CAMTA1: variants seen among roughly 807,000 people sequenced by gnomAD.
CAMTA1 encodes the protein calmodulin binding transcription activator 1, also known as calmodulin-binding transcription activator 1.
A neutral mutation model predicts 170.9 loss-of-function variants in CAMTA1; 27 were observed. The observed-to-expected ratio is 0.16, with a 90% CI of 0.12 to 0.22. CAMTA1 has a LOEUF of 0.22. Ranked by LOEUF, CAMTA1 falls within the 10% of genes least tolerant of loss-of-function variation. CAMTA1 has a pLI of 1.00. For missense variants in CAMTA1, 1,619 were observed against 2,217.2 expected (o/e 0.73, Z 5.42); for synonymous variants, 833 against 891.5 (o/e 0.93, Z 1.17).
intron 4 of CAMTA1, among the ~76,000 whole-genome samples, chr1:7,202,243 C>T (rs1375591676): frequency 1.3e-5 from 2 of 152,200 alleles, no homozygotes; most frequent in Non-Finnish European, 2.9e-5. Context: ...TTCTATTGAT[C>T]TGTACGTCTC....
chr1:7,318,085 G>A (rs992146901), intron 5 of CAMTA1, among the ~76,000 whole-genome samples: 3 of 152,226 alleles, frequency 2.0e-5, no homozygotes, highest in Non-Finnish European at 2.9e-5. Context: ...TGACGGCAAG[G>A]CTGACGTCAG....
chr1:6,837,149 G>A lies in CAMTA1; in HGVS notation c.234+11939G>A, dbSNP rs1284396593. Among the ~76,000 whole-genome samples, 3 of 152,040 alleles carry A rather than the reference G, an allele frequency of 2.0e-5. No homozygotes were observed. In the East Asian group the frequency reaches 5.8e-4, roughly 29 times the overall value. ...TTTTGTATTTTTTTAGTAGAGATGG[G>A]GTTTCACTGTGTTAGCCAGGATGGG... On this transcript the variant is annotated intron_variant, in intron 3 of 22. Transcript: ENST00000303635.
Position 7,463,038 on chromosome 1 carries a change from T to C in CAMTA1, c.439-4792T>C, listed in dbSNP as rs1365087968. Among the ~76,000 whole-genome samples, 1 of 152,178 alleles carries C rather than the reference T, an allele frequency of 6.6e-6. No individual in the cohort carries two copies. The highest frequency in any genetic ancestry group is 1.9e-4 in the East Asian group (1 of 5,190). On this transcript the variant is annotated intron_variant, in intron 5 of 22. Coordinates refer to ENST00000303635, the MANE Select transcript of CAMTA1 (RefSeq NM_015215.4). This position sits in a 1 kb window ranked among gnomAD's most constrained non-coding sequence, Gnocchi z 4.7. ...CTTCGGAGGCAGCACAGGGAGGTTG[T>C]CCTGGTGAATGGCACTGTGTGCGGC...
intron 3 of CAMTA1, among the ~76,000 whole-genome samples, chr1:6,893,908 C>A (rs895662620): frequency 6.6e-6 from 1 of 152,188 alleles, no homozygotes; most frequent in Non-Finnish European, 1.5e-5. Context: ...CCCAGGCATC[C>A]AAATATTTAC....
At chr1:7,619,714 A>T (rs1457088507) in intron 6 of CAMTA1, among the ~76,000 whole-genome samples, 3 of 150,752 alleles carry the variant, frequency 2.0e-5, no homozygotes, top group Admixed American at 6.6e-5. Flanking sequence ...CAGTGGCATG[A>T]TCTCAGCTCA....
At chr1:7,276,791 C>T (rs1327866704) in intron 5 of CAMTA1, among the ~76,000 whole-genome samples, 2 of 152,070 alleles carry the variant, frequency 1.3e-5, no homozygotes, top group Admixed American at 6.6e-5. Context: ...TTTTTATTTG[C>T]AGACAACATG....
At chr1:6,895,412 A>G (rs1318208670) in intron 3 of CAMTA1, among the ~76,000 whole-genome samples, 1 of 152,148 alleles carries the variant, frequency 6.6e-6, no homozygotes, top group African/African-American at 2.4e-5. Context: ...CTTTGCCTGG[A>G]GATCTGTCAC....
intron 5 of CAMTA1, among the ~76,000 whole-genome samples, chr1:7,465,002 A>C (rs1299092043): frequency 6.6e-6 from 1 of 152,160 alleles, no homozygotes; most frequent in Non-Finnish European, 1.5e-5. Context: ...GCGACTCCAC[A>C]CAAGTCTGCT....
chr1:7,124,396 C>G (rs539315711), intron 4 of CAMTA1, among the ~76,000 whole-genome samples: 63 of 152,304 alleles, frequency 4.1e-4, no homozygotes, highest in Admixed American at 1.6e-3. Context: ...GCCTTCGAGG[C>G]CTGGATCAAA....
intron 5 of CAMTA1, among the ~76,000 whole-genome samples, chr1:7,276,303 A>ATATATATATATATATTTTTTTTTTTTTT: frequency 1.2e-4 from 3 of 24,230 alleles, no homozygotes; most frequent in African/African-American, 5.9e-4. Flanking sequence ...ATATATATAT[A>ATATATATATATATATTTTTTTTTTTTTT]TTTTTTTTTT....
In CAMTA1 at chr1:7,511,316, C is replaced by T. The variant is rs150735565; in HGVS notation, c.510+43415C>T. Among the ~76,000 whole-genome samples, 24 of 145,600 alleles carry T rather than the reference C, an allele frequency of 1.6e-4. 3 individuals are homozygous for T. The East Asian group carries it at 3.7e-3, about 23-fold the overall frequency. On this transcript the variant is annotated intron_variant, in intron 6 of 22. Transcript: ENST00000303635. ...GTAGCTCCGTGACCTTGAGTGTCCACTTTCTTTCCTGTAATGTGGGGATCA... is the reference window on the plus strand; with the variant it reads ...GTAGCTCCGTGACCTTGAGTGTCCATTTTCTTTCCTGTAATGTGGGGATCA...
At chr1:6,977,819 G>C (rs942959106) in intron 3 of CAMTA1, among the ~76,000 whole-genome samples, 1 of 152,188 alleles carries the variant, frequency 6.6e-6, no homozygotes, top group African/African-American at 2.4e-5. Flanking sequence ...TTTCCTTTGA[G>C]TGTAAACAAG....
chr1:7,457,340 T>G (rs1346915446), intron 5 of CAMTA1, among the ~76,000 whole-genome samples: 4 of 152,102 alleles, frequency 2.6e-5, no homozygotes, highest in African/African-American at 9.7e-5. Context: ...TCCTCACTCA[T>G]GTCGTCGTTA....
rs767652227 is a variant in CAMTA1 at position 7,737,321 on chromosome 1, A to T, written c.3409A>T (p.Ile1137Phe). The T allele has an allele frequency of 1.2e-6, 2 of 1,614,184 alleles. No homozygotes were observed. Among genetic ancestry groups the T allele is most frequent in the South Asian group, 1.1e-5 (1 of 91,088 alleles). ...GCTGTACAAGTGGGACCGTCGGGCC[A>T]TCTCGATTCCCGACTCTCTAGGAAG... The part of the protein sequence containing the change: ...VVLYKWDRRA[I>F]SIPDSLGRLP... Residue 1137 changes from isoleucine to phenylalanine, a missense_variant, in exon 15 of 23, where the codon ATC becomes TTC. Physicochemically the swap from Ile to Phe is conservative, Grantham distance 21 (BLOSUM62 0). Transcript: ENST00000303635.
chr1:7,348,196 C>T (rs1024321731), intron 5 of CAMTA1, among the ~76,000 whole-genome samples: 146 of 152,312 alleles, frequency 9.6e-4, no homozygotes, highest in African/African-American at 3.5e-3. Flanking sequence ...CCTTTCTCTT[C>T]GTCTTGTGGC....
At chr1:7,226,444 A>G (rs1284566049) in intron 4 of CAMTA1, among the ~76,000 whole-genome samples, 1 of 152,104 alleles carries the variant, frequency 6.6e-6, no homozygotes, top group Admixed American at 6.5e-5. Context: ...CTTTAATTTC[A>G]TTTAAATTAA....
At chr1:6,857,280 G>C (rs1194469506) in intron 3 of CAMTA1, among the ~76,000 whole-genome samples, 1 of 152,212 alleles carries the variant, frequency 6.6e-6, no homozygotes, top group African/African-American at 2.4e-5. Flanking sequence ...GTGATGGATT[G>C]AGTGTGGGCT....
At chr1:7,356,340 C>CCACAATTGCA (rs2085110561) in intron 5 of CAMTA1, among the ~76,000 whole-genome samples, 1 of 152,234 alleles carries the variant, frequency 6.6e-6, no homozygotes, top group Non-Finnish European at 1.5e-5. Context: ...CTGAATTGCA[C>CCACAATTGCA]CACACCTGTC....
intron 4 of CAMTA1, among the ~76,000 whole-genome samples, chr1:7,177,462 A>C (rs1229821606): frequency 4.0e-4 from 42 of 105,830 alleles, no homozygotes; most frequent in Non-Finnish European, 4.6e-4. Context: ...CCCCTCCCAC[A>C]CCCTGAGGCC....
Sources: gnomAD v4.1 joint callset for allele counts (sites outside exome capture counted in the v4.1 genomes callset) on GRCh38, gnomAD v4.1.1 for gene constraint, Gnocchi (gnomAD v3.1) non-coding constraint, MANE v1.5 for transcripts, NCBI Gene and HGNC (gene_info 2026-07-23, HGNC 2026-07-21) for gene names.